The following TMCC1 variants were observed in gnomAD, a reference collection of about 807,000 sequenced individuals.
The protein encoded by TMCC1 is transmembrane and coiled-coil domain family 1.
In TMCC1, 15 loss-of-function variants were observed where a neutral mutation model predicts 52.4. That is an observed-to-expected ratio of 0.29 (90% CI 0.19 to 0.44). The LOEUF (loss-of-function observed/expected upper bound fraction) is 0.44, where lower values mean the gene tolerates loss of function less well. Ranked by LOEUF, TMCC1 falls within the 20% of genes least tolerant of loss-of-function variation. The probability of loss-of-function intolerance (pLI) is 1.00; values close to 1 mark genes in which losing one functional copy is unlikely to be tolerated. For missense variants in TMCC1, 503 were observed against 806.0 expected (o/e 0.62, Z 4.55); for synonymous variants, 279 against 301.9 (o/e 0.92, Z 0.79).
In TMCC1 at chr3:129,778,679, G is replaced by GGC. The variant is rs959870788; in HGVS notation, c.576+49123_576+49124insGC. On this transcript the variant is annotated intron_variant, in intron 4 of 6. Transcript: ENST00000393238. ...GGAAGGTGATTAGATCATGGTGGGG[G>GGC]GGGGGCAGTCTCCCCATGCTGTTCT... Among the ~76,000 whole-genome samples the GGC allele has an allele frequency of 1.3e-3, 199 of 150,692 alleles. 2 individuals are homozygous for GGC. The South Asian group carries it at 0.016, about 12-fold the overall frequency.
intron 1 of TMCC1, among the ~76,000 whole-genome samples, chr3:129,892,106 A>T (rs892953945): frequency 6.6e-6 from 1 of 152,230 alleles, no homozygotes; most frequent in Non-Finnish European, 1.5e-5. Flanking sequence ...CAGCACCTAC[A>T]CCATACCAAA....
intron 4 of TMCC1, among the ~76,000 whole-genome samples, chr3:129,809,226 G>A (rs1398765073): frequency 7.0e-5 from 8 of 114,052 alleles, no homozygotes; most frequent in Admixed American, 1.3e-4. Context: ...CAGCCTAGGC[G>A]ACAGACCAAG....
At chr3:129,714,518 A>C (rs925835838) in intron 4 of TMCC1, among the ~76,000 whole-genome samples, 5 of 152,208 alleles carry the variant, frequency 3.3e-5, no homozygotes, top group Admixed American at 1.3e-4. Context: ...AAGGAATGCC[A>C]ATATAAAGGT....
chr3:129,667,698 G>T (rs2087579360), intron 5 of TMCC1, among the ~76,000 whole-genome samples: 1 of 152,164 alleles, frequency 6.6e-6, no homozygotes, highest in South Asian at 2.1e-4. Context: ...CTTCTAATGA[G>T]GTGTTAATGA....
chr3:129,888,283 G>A lies in TMCC1; in HGVS notation c.-435+5211C>T, dbSNP rs192678598. Among the ~76,000 whole-genome samples, 8 of 152,304 alleles carry A rather than the reference G, an allele frequency of 5.3e-5. No homozygotes were observed. The East Asian group carries it at 1.3e-3, about 26-fold the overall frequency. On this transcript the variant is annotated intron_variant, in intron 1 of 6. Transcript: ENST00000393238. Reference sequence around the variant, plus strand: ...TGGAGACATCACGAAGTCATGTTTAGCTTAATAAAGACACAGTTACATATA... The same window carrying A: ...TGGAGACATCACGAAGTCATGTTTAACTTAATAAAGACACAGTTACATATA...
At chr3:129,882,010 CAA>C (rs978699987) in intron 1 of TMCC1, among the ~76,000 whole-genome samples, 3 of 151,890 alleles carry the variant, frequency 2.0e-5, no homozygotes, top group African/African-American at 4.8e-5. Context: ...ACAACAAGAG[CAA>C]AAAACTCAAA....
chr3:129,692,431 A>G (rs547108074), intron 4 of TMCC1, among the ~76,000 whole-genome samples: 1 of 152,354 alleles, frequency 6.6e-6, no homozygotes, highest in African/African-American at 2.4e-5. Context: ...TTAGAAGAGT[A>G]AAACATTGTT....
At chr3:129,720,345 A>G (rs572494625) in intron 4 of TMCC1, among the ~76,000 whole-genome samples, 96 of 152,318 alleles carry the variant, frequency 6.3e-4, no homozygotes, top group Non-Finnish European at 1.2e-3. Context: ...GTATTTGTGC[A>G]TTGGAGTCTG....
chr3:129,794,645 C>T (rs2056699357), intron 4 of TMCC1, among the ~76,000 whole-genome samples: 1 of 152,130 alleles, frequency 6.6e-6, no homozygotes, highest in African/African-American at 2.4e-5. Context: ...GGGGTCCAAA[C>T]ACAAGGACCA....
chr3:129,866,380 T>A (rs866419744), intron 2 of TMCC1, among the ~76,000 whole-genome samples: 56 of 124,214 alleles, frequency 4.5e-4, no homozygotes, highest in African/African-American at 1.7e-3. Flanking sequence ...ATATATATGT[T>A]TTTTTTTTTT....
At chr3:129,729,126 TA>T (rs971180430) in intron 4 of TMCC1, among the ~76,000 whole-genome samples, 66 of 148,266 alleles carry the variant, frequency 4.5e-4, no homozygotes, top group African/African-American at 8.6e-4. Context: ...ATGTTTAACT[TA>T]AAAAAAAAAA....
intron 5 of TMCC1, among the ~76,000 whole-genome samples, chr3:129,658,397 G>A (rs957916725): frequency 3.3e-5 from 5 of 152,134 alleles, no homozygotes; most frequent in African/African-American, 9.7e-5. Context: ...GACTTACGAT[G>A]GGGTTACTTC....
chr3:129,873,146 C>T (rs2061011943), intron 2 of TMCC1, among the ~76,000 whole-genome samples: 1 of 152,040 alleles, frequency 6.6e-6, no homozygotes, highest in Non-Finnish European at 1.5e-5. Context: ...GGTGATCCAT[C>T]CACCTCAGTC....
chr3:129,848,291 T>C (rs955122353), intron 2 of TMCC1: 82 of 152,332 alleles, frequency 5.4e-4, no homozygotes, highest in African/African-American at 1.9e-3. Context: ...TTTCTGGAGT[T>C]GCATGGTTTT....
intron 2 of TMCC1, among the ~76,000 whole-genome samples, chr3:129,853,344 G>A (rs1010769684): frequency 1.3e-5 from 2 of 152,058 alleles, no homozygotes; most frequent in Non-Finnish European, 2.9e-5. Flanking sequence ...GAATAAAATG[G>A]CTGGGGATGA....
chr3:129,654,038 CAA>C (rs750826221), intron 6 of TMCC1, among the ~76,000 whole-genome samples: 3 of 151,956 alleles, frequency 2.0e-5, no homozygotes, highest in Non-Finnish European at 4.4e-5. Flanking sequence ...CCAACCCCCC[CAA>C]AAAAAGTGTC....
intron 2 of TMCC1, among the ~76,000 whole-genome samples, chr3:129,863,155 C>A (rs1577130180): frequency 6.6e-6 from 1 of 152,090 alleles, no homozygotes; most frequent in African/African-American, 2.4e-5. Flanking sequence ...TTACTTTATT[C>A]TTGGTTATAC....
At chr3:129,745,247 T>C (rs2051830314) in intron 4 of TMCC1, among the ~76,000 whole-genome samples, 2 of 152,236 alleles carry the variant, frequency 1.3e-5, no homozygotes, top group African/African-American at 2.4e-5. Context: ...CTCACACTTC[T>C]TGAAATTCAC....
intron 4 of TMCC1, among the ~76,000 whole-genome samples, chr3:129,821,875 G>A (rs186595884): frequency 6.6e-6 from 1 of 151,856 alleles, no homozygotes; most frequent in Admixed American, 6.6e-5. Flanking sequence ...GACCAGCCTG[G>A]GCAACACCGC....
Sources: gnomAD v4.1 joint callset for allele counts (sites outside exome capture counted in the v4.1 genomes callset) on GRCh38, gnomAD v4.1.1 for gene constraint, MANE v1.5 for transcripts, NCBI Gene and HGNC (gene_info 2026-07-23, HGNC 2026-07-21) for gene names.